Variants in SYNPR observed in about 807,000 individuals in gnomAD.
SYNPR encodes synaptoporin.
In SYNPR, 23 loss-of-function variants were observed where a neutral mutation model predicts 32.9. The observed-to-expected ratio is 0.70, with a 90% CI of 0.50 to 0.99. The LOEUF (loss-of-function observed/expected upper bound fraction) is 0.99. Among genes scored for constraint, SYNPR ranks in the 50% least tolerant of loss-of-function variants. The pLI, the probability that SYNPR is intolerant of heterozygous loss-of-function variation, is 0.00. For synonymous variants in SYNPR, 146 were observed against 135.9 expected, an observed-to-expected ratio of 1.07 and a Z score of -0.52; for missense variants, 318 against 349.3, an observed-to-expected ratio of 0.91 and a Z score of 0.71.
Position 63,294,790 on chromosome 3 carries a change from T to A in SYNPR, c.84+16048T>A, listed in dbSNP as rs574041883. Reference sequence around the variant, plus strand: ...GTCTTATTTATATTATTTATTAATGTATCCTAAGAAACATTATTATTTTAC... The same window carrying A: ...GTCTTATTTATATTATTTATTAATGAATCCTAAGAAACATTATTATTTTAC... On this transcript the variant is annotated intron_variant, in intron 2 of 5. Coordinates refer to ENST00000478300, the MANE Select transcript of SYNPR (RefSeq NM_001130003.2). Among the ~76,000 whole-genome samples the A allele has an allele frequency of 2.2e-3, 329 of 152,334 alleles. 2 individuals are homozygous for A. Among genetic ancestry groups the A allele is most frequent in the African/African-American group, 7.4e-3 (307 of 41,584 alleles).
intron 2 of SYNPR, among the ~76,000 whole-genome samples, chr3:63,426,362 A>G (rs1449258926): frequency 6.6e-6 from 1 of 152,220 alleles, no homozygotes; most frequent in Non-Finnish European, 1.5e-5. Flanking sequence ...AGTAACCTGC[A>G]TTCTTTCCCT....
intron 2 of SYNPR, among the ~76,000 whole-genome samples, chr3:63,380,614 G>A (rs1431183401): frequency 6.6e-6 from 1 of 151,214 alleles, no homozygotes; most frequent in Non-Finnish European, 1.5e-5. Flanking sequence ...GTCGATTTTA[G>A]ACCAATATCC....
intron 4 of SYNPR, among the ~76,000 whole-genome samples, chr3:63,586,791 G>C (rs998610430): frequency 6.6e-6 from 1 of 151,662 alleles, no homozygotes; most frequent in Non-Finnish European, 1.5e-5. Flanking sequence ...CTATGCGCAA[G>C]GACCTCACAG....
chr3:63,405,576 A>T (rs1355470588), intron 2 of SYNPR, among the ~76,000 whole-genome samples: 1 of 152,080 alleles, frequency 6.6e-6, no homozygotes, highest in African/African-American at 2.4e-5. Flanking sequence ...GAAAGAACCT[A>T]ATCTTAAGAA....
intron 2 of SYNPR, among the ~76,000 whole-genome samples, chr3:63,259,038 C>G (rs2086414708): frequency 6.6e-6 from 1 of 152,154 alleles, no homozygotes; most frequent in Non-Finnish European, 1.5e-5. Context: ...AGCTGAATCT[C>G]TGAATACACC....
intron 4 of SYNPR, among the ~76,000 whole-genome samples, chr3:63,592,106 C>A (rs1017456964): frequency 1.3e-5 from 2 of 151,914 alleles, no homozygotes; most frequent in African/African-American, 4.8e-5. Context: ...ATGATACACA[C>A]AGAAGGTGAC....
chr3:63,284,388 C>G (rs578020827), intron 2 of SYNPR, among the ~76,000 whole-genome samples: 1 of 152,262 alleles, frequency 6.6e-6, no homozygotes, highest in East Asian at 1.9e-4. Flanking sequence ...AATGCTGCAG[C>G]CCTAGATTCT....
chr3:63,310,960 T>C (rs2086957518), intron 2 of SYNPR, among the ~76,000 whole-genome samples: 1 of 151,766 alleles, frequency 6.6e-6, no homozygotes, highest in South Asian at 2.1e-4. Flanking sequence ...ACTCTCAGTG[T>C]GTCCTGTTAA....
intron 2 of SYNPR, among the ~76,000 whole-genome samples, chr3:63,382,470 G>A (rs573218299): frequency 6.6e-6 from 1 of 152,344 alleles, no homozygotes; most frequent in South Asian, 2.1e-4. Context: ...GACTGGCATA[G>A]ACTAGCTATA....
intron 2 of SYNPR, among the ~76,000 whole-genome samples, chr3:63,285,635 C>A (rs1575586307): frequency 1.3e-5 from 2 of 152,274 alleles, no homozygotes; most frequent in South Asian, 2.1e-4. Context: ...GGATTCATCA[C>A]TTAATGCTTT....
chr3:63,336,677 G>A (rs893878129), intron 2 of SYNPR, among the ~76,000 whole-genome samples: 4 of 151,078 alleles, frequency 2.6e-5, no homozygotes, highest in Non-Finnish European at 5.9e-5. Flanking sequence ...AAAAATCTAA[G>A]TGATCTTGGA....
chr3:63,253,913 A>G (rs922939599), intron 2 of SYNPR, among the ~76,000 whole-genome samples: 8 of 152,334 alleles, frequency 5.3e-5, no homozygotes, highest in Admixed American at 5.2e-4. Flanking sequence ...ACTTGGAACC[A>G]ACCCAAATGT....
intron 2 of SYNPR, among the ~76,000 whole-genome samples, chr3:63,266,711 A>AAAAAAAAC (rs2086492351): frequency 6.7e-6 from 1 of 149,672 alleles, no homozygotes; most frequent in Non-Finnish European, 1.5e-5. Flanking sequence ...CCGTCTCAAA[A>AAAAAAAAC]AAAAAAACAC....
chr3:63,313,944 CAT>C (rs58740129), intron 2 of SYNPR, among the ~76,000 whole-genome samples: 11 of 1,076 alleles, frequency 0.01, 1 homozygote, highest in Admixed American at 0.04. Flanking sequence ...TATATATATC[CAT>C]ATATATATAT....
intron 2 of SYNPR, among the ~76,000 whole-genome samples, chr3:63,375,221 T>C (rs962730784): frequency 1.3e-5 from 2 of 152,188 alleles, no homozygotes; most frequent in African/African-American, 4.8e-5. Flanking sequence ...CCATTACTGG[T>C]TATATACTCA....
At chr3:63,323,758 A>G (rs888601137) in intron 2 of SYNPR, among the ~76,000 whole-genome samples, 17 of 152,284 alleles carry the variant, frequency 1.1e-4, no homozygotes, top group Non-Finnish European at 1.9e-4. Flanking sequence ...CAAAGAGAGT[A>G]TATTAAAATA....
intron 2 of SYNPR, among the ~76,000 whole-genome samples, chr3:63,332,725 T>A (rs62253918): frequency 0.19 from 28,703 of 151,978 alleles, 2,816 homozygotes; most frequent in Middle Eastern, 0.23. Context: ...AAGCCCAGAG[T>A]GGTTTAGTGA....
intron 1 of SYNPR, among the ~76,000 whole-genome samples, chr3:63,235,589 G>C (rs531375974): frequency 1.2e-4 from 18 of 152,106 alleles, no homozygotes; most frequent in African/African-American, 4.3e-4. Context: ...CCACTTAGTT[G>C]CAAGGCCCTA....
chr3:63,442,049 T>A (rs936174861), intron 2 of SYNPR, among the ~76,000 whole-genome samples: 2 of 152,176 alleles, frequency 1.3e-5, no homozygotes, highest in Non-Finnish European at 2.9e-5. Flanking sequence ...GGTTTTTTGG[T>A]TGGTTGGTTT....
Sources: allele counts gnomAD v4.1 joint callset (sites outside exome capture counted in the v4.1 genomes callset), GRCh38; gene constraint gnomAD v4.1.1; transcripts MANE v1.5; gene names NCBI Gene and HGNC (gene_info 2026-07-23, HGNC 2026-07-21).